The following LIN28A variants were observed in gnomAD, a reference collection of about 807,000 sequenced individuals.
The protein encoded by LIN28A is lin-28 RNA binding posttranscriptional regulator A, also known as protein lin-28 homolog A.
In LIN28A, 11 loss-of-function variants were observed where a neutral mutation model predicts 21.1. That is an observed-to-expected ratio of 0.52 (90% CI 0.33 to 0.86). The LOEUF is 0.86. Among genes scored for constraint, LIN28A ranks in the 40% least tolerant of loss-of-function variants. The pLI is 0.03. For missense variants in LIN28A, 219 were observed against 279.8 expected (o/e 0.78, Z 1.55); for synonymous variants, 111 against 108.7 (o/e 1.02, Z -0.13).
intron 2 of LIN28A, among the ~76,000 whole-genome samples, chr1:26,424,700 T>A (rs2075048182): frequency 6.6e-6 from 1 of 152,186 alleles, no homozygotes; most frequent in Admixed American, 6.5e-5. Context: ...TTTGTTGATT[T>A]CTTCCAAATG....
At chr1:26,422,935 GT>G (rs1488605984) in intron 2 of LIN28A, among the ~76,000 whole-genome samples, 1 of 152,038 alleles carries the variant, frequency 6.6e-6, no homozygotes, top group Non-Finnish European at 1.5e-5. Flanking sequence ...GGGTTTTGGT[GT>G]TTTTGTTTGT....
chr1:26,412,026 A>C (rs757996328), intron 2 of LIN28A, among the ~76,000 whole-genome samples: 1 of 152,212 alleles, frequency 6.6e-6, no homozygotes, highest in Non-Finnish European at 1.5e-5. Context: ...GCAACTGGCT[A>C]CTGGACCCAA....
In LIN28A at chr1:26,410,933, G is replaced by C; in HGVS notation, c.31+11G>C. ...ACCAGCAGTTTGCAGGTTCGAGCTCGGGACTTAGCGGGGACACTTTAGGAT... is the reference window on the plus strand; with the variant it reads ...ACCAGCAGTTTGCAGGTTCGAGCTCCGGACTTAGCGGGGACACTTTAGGAT... On this transcript the variant is annotated intron_variant, in intron 1 of 3. Transcript: ENST00000326279. 1 of 1,604,392 alleles carries C rather than the reference G, an allele frequency of 6.2e-7. No homozygotes were observed. The highest frequency in any genetic ancestry group is 8.5e-7 in the Non-Finnish European group (1 of 1,177,322).
chr1:26,427,487 T>A lies in LIN28A; in HGVS notation c.*1029T>A, dbSNP rs1006619611. 6.6e-6 allele frequency: 1 copy of A among 152,658 alleles called. No homozygotes were observed. Among genetic ancestry groups the A allele is most frequent in the African/African-American group, 2.4e-5 (1 of 41,452 alleles). The allele number at this position is 152,658 out of a possible 1,614,324, so 9.5% of individuals were successfully genotyped here. On this transcript the variant is annotated 3_prime_UTR_variant, in exon 4 of 4. Coordinates refer to ENST00000326279, the MANE Select transcript of LIN28A (RefSeq NM_024674.6). Reference sequence around the variant, plus strand: ...TGGGTGGCCCCATGACTTGATTGCCTTCTACTGGAAGATTGGGAATTAGTC... The same window carrying A: ...TGGGTGGCCCCATGACTTGATTGCCATCTACTGGAAGATTGGGAATTAGTC...
At chr1:26,423,166 C>T (rs954895998) in intron 2 of LIN28A, among the ~76,000 whole-genome samples, 3 of 151,862 alleles carry the variant, frequency 2.0e-5, no homozygotes, top group Non-Finnish European at 2.9e-5. Flanking sequence ...CTCAGCCTCT[C>T]GAGTAGCTGA....
intron 2 of LIN28A, among the ~76,000 whole-genome samples, chr1:26,419,733 G>C (rs151315081): frequency 8.9e-4 from 136 of 152,212 alleles, no homozygotes; most frequent in African/African-American, 3.2e-3. Context: ...AAAGAAAGGA[G>C]GGAACAGGCC....
At chr1:26,415,981 G>A (rs1259013079) in intron 2 of LIN28A, among the ~76,000 whole-genome samples, 1 of 152,066 alleles carries the variant, frequency 6.6e-6, no homozygotes, top group African/African-American at 2.4e-5. Context: ...TCTAGACAAT[G>A]TCTTTTTTTT....
In LIN28A at chr1:26,429,379, AAGATTGTTTAAT is replaced by A. The variant is rs1445311964; in HGVS notation, c.*2924_*2935del. On this transcript the variant is annotated 3_prime_UTR_variant, in exon 4 of 4. Transcript: ENST00000326279. ...AGAAACTTTATGTCAAAGTGGCCACAAGATTGTTTAATAGGAGACGAACGAATGTAACTCCAT... is the reference window on the plus strand; with the variant it reads ...AGAAACTTTATGTCAAAGTGGCCACAAGGAGACGAACGAATGTAACTCCAT... 6.5e-6 allele frequency: 1 copy of A among 152,690 alleles called. No individual in the cohort carries two copies. Among genetic ancestry groups the A allele is most frequent in the Non-Finnish European group, 1.5e-5 (1 of 68,058 alleles). 9.5% of individuals were successfully genotyped at this position (152,690 alleles called of 1,614,324 possible). A position where few individuals can be genotyped will look rare whatever the true frequency, so the allele number is the denominator to read the frequency against.
chr1:26,426,099 T>G (rs138580415), intron 3 of LIN28A, 143 bp from the exon 4 acceptor site: 1 of 633,578 alleles, frequency 1.6e-6, no homozygotes, highest in African/African-American at 1.8e-5. Context: ...GTAATAGTCC[T>G]CCTTTTGCAA....
chr1:26,411,980 G>T lies in LIN28A; in HGVS notation c.228+398G>T, dbSNP rs1260949114. Among the ~76,000 whole-genome samples the T allele has an allele frequency of 6.6e-6, 1 of 152,224 alleles. No individual in the cohort carries two copies. Among genetic ancestry groups the T allele is most frequent in the Admixed American group, 6.5e-5 (1 of 15,290 alleles). On this transcript the variant is annotated intron_variant, in intron 2 of 3. Coordinates refer to ENST00000326279, the MANE Select transcript of LIN28A (RefSeq NM_024674.6). This position sits in a 1 kb window ranked among gnomAD's most constrained non-coding sequence, Gnocchi z 5.4. ...AAGCCGGGAGCCCAGCTCCTCCAAC[G>T]TCTGAATGGAGCTCAGAAGGCGGGA... is the stretch of plus-strand genomic sequence containing the variant.
rs2075016543 is a variant in LIN28A, at chr1:26,419,511, A to C, written c.229-5792A>C. Among the ~76,000 whole-genome samples, 3 of 152,050 alleles carry C rather than the reference A, an allele frequency of 2.0e-5. No individual in the cohort carries two copies. In the South Asian group the frequency reaches 6.2e-4, roughly 32 times the overall value. ...CAGTCAACTGGGGCTTAGAGAGGGG[A>C]TATTCTTCTAAGTTTCTATAGCTAG... On this transcript the variant is annotated intron_variant, in intron 2 of 3. Coordinates refer to ENST00000326279, the MANE Select transcript of LIN28A (RefSeq NM_024674.6).
chr1:26,410,960 C>T (rs925730426), intron 1 of LIN28A, 38 bp downstream of exon 1: 59 of 1,592,004 alleles, frequency 3.7e-5, no homozygotes, highest in Non-Finnish European at 5.0e-5. Flanking sequence ...CTTTAGGATT[C>T]AGGGGCGGCC....
At chr1:26,415,079 T>G (rs952172931) in intron 2 of LIN28A, among the ~76,000 whole-genome samples, 2 of 152,226 alleles carry the variant, frequency 1.3e-5, no homozygotes, top group Non-Finnish European at 2.9e-5. Flanking sequence ...TGCTTTCCCA[T>G]AGCTCCTCAG....
chr1:26,428,570 TCTCA>T lies in LIN28A; in HGVS notation c.*2115_*2118del, dbSNP rs2075074471. The T allele has an allele frequency of 6.7e-6, 1 of 149,052 alleles. No homozygotes were observed. The highest frequency in any genetic ancestry group is 2.5e-5 in the African/African-American group (1 of 40,208). The allele number at this position is 149,052 out of a possible 1,614,324, so 9.2% of individuals were successfully genotyped here. A position where few individuals can be genotyped will look rare whatever the true frequency, so the allele number is the denominator to read the frequency against. On this transcript the variant is annotated 3_prime_UTR_variant, in exon 4 of 4. Coordinates refer to ENST00000326279, the MANE Select transcript of LIN28A (RefSeq NM_024674.6). ...TTTTTTTTTTTTTTTTAAAATGGAG[TCTCA>T]CTGTGTCACCCAGGCTGGAGTGCAG...
intron 2 of LIN28A, among the ~76,000 whole-genome samples, chr1:26,413,124 G>A (rs1300514399): frequency 2.0e-5 from 3 of 152,100 alleles, no homozygotes; most frequent in Non-Finnish European, 4.4e-5. Context: ...AACCAGCTTT[G>A]AATGGCCCTC....
intron 2 of LIN28A, among the ~76,000 whole-genome samples, chr1:26,414,873 C>T (rs2074984113): frequency 6.6e-6 from 1 of 152,068 alleles, no homozygotes; most frequent in South Asian, 2.1e-4. Flanking sequence ...AAATCTCATC[C>T]CTGCTTGAGA....
intron 2 of LIN28A, among the ~76,000 whole-genome samples, chr1:26,423,108 C>T (rs1448352673): frequency 1.3e-5 from 2 of 152,080 alleles, no homozygotes; most frequent in African/African-American, 2.4e-5. Context: ...GGCTGGAGTA[C>T]AGTGGTGCCA....
chr1:26,415,968 G>C (rs2074990613), intron 2 of LIN28A, among the ~76,000 whole-genome samples: 1 of 152,128 alleles, frequency 6.6e-6, no homozygotes, highest in African/African-American at 2.4e-5. Flanking sequence ...TCTGAGACAT[G>C]CTTCTAGACA....
In LIN28A at chr1:26,411,441, C is replaced by G. The variant is rs116719577; in HGVS notation, c.87C>G (p.Ala29=). ...CCGAGGAGGCGCCGGAGGACGCGGC[C>G]CGGGCGGCGGACGAGCCTCAGCTGC... ...EAPEEAPEDA[A]RAADEPQLLH... Residue 29 remains alanine, a synonymous_variant, in exon 2 of 4, where the codon GCC becomes GCG. Coordinates refer to ENST00000326279, the MANE Select transcript of LIN28A (RefSeq NM_024674.6). The surrounding 1 kb of genome is among the most constrained non-coding windows in gnomAD (Gnocchi z 5.4). The G allele has an allele frequency of 2.5e-3, 4,055 of 1,608,954 alleles. 99 individuals carry two copies. The African/African-American group carries it at 0.049, about 19-fold the overall frequency.
Sources: gnomAD v4.1 joint callset for allele counts (sites outside exome capture counted in the v4.1 genomes callset) on GRCh38, gnomAD v4.1.1 for gene constraint, Gnocchi (gnomAD v3.1) non-coding constraint, MANE v1.5 for transcripts, NCBI Gene and HGNC (gene_info 2026-07-23, HGNC 2026-07-21) for gene names.